HOOK3: variants seen among roughly 807,000 people sequenced by gnomAD.
HOOK3 encodes protein Hook homolog 3.
HOOK3 carries 24 observed loss-of-function variants against 116.3 expected under a neutral mutation model. The observed-to-expected ratio is 0.21, with a 90% CI of 0.15 to 0.29. HOOK3 has a LOEUF of 0.29. HOOK3 is among the 10% of genes least tolerant of loss of function. HOOK3 has a pLI of 1.00. For missense variants in HOOK3, 632 were observed against 830.2 expected, an observed-to-expected ratio of 0.76 and a Z score of 2.93; for synonymous variants, 275 against 283.0, an observed-to-expected ratio of 0.97 and a Z score of 0.28.
intron 1 of HOOK3, among the ~76,000 whole-genome samples, chr8:42,900,328 G>A (rs1298835352): frequency 2.0e-5 from 3 of 152,124 alleles, no homozygotes; most frequent in Non-Finnish European, 2.9e-5. Flanking sequence ...TGAACTGTAT[G>A]TGAATCTCGA....
intron 21 of HOOK3, 80 bp from the exon 22 acceptor site, chr8:43,018,277 AT>A: frequency 7.5e-7 from 1 of 1,336,326 alleles, no homozygotes; most frequent in Non-Finnish European, 1.0e-6. Context: ...ACTGTAACAA[AT>A]TCTGCATGAT....
rs1182384921 is a variant in HOOK3 at position 43,027,754 on chromosome 8, C to T, written c.*9256C>T. 4.8e-6 allele frequency: 1 copy of T among 206,474 alleles called. No homozygotes were observed. Among genetic ancestry groups the T allele is most frequent in the Non-Finnish European group, 9.9e-6 (1 of 100,862 alleles). The allele number at this position is 206,474 out of a possible 1,614,324, so 12.8% of individuals were successfully genotyped here. On this transcript the variant is annotated 3_prime_UTR_variant, in exon 22 of 22. Transcript: ENST00000307602. ...TAGATTATTCAGTAGCCACATGTGA[C>T]AGTTAAAATTAAGTAAAATTAAAAC... is the stretch of plus-strand genomic sequence containing the variant.
chr8:42,897,255 G>T, intron 1 of HOOK3, 67 bp downstream of exon 1: 3 of 1,114,148 alleles, frequency 2.7e-6, no homozygotes, highest in Non-Finnish European at 3.4e-6. Flanking sequence ...CCCTCCACGC[G>T]CGGCCCGTGG....
Position 43,027,485 on chromosome 8 carries a change from T to C in HOOK3, c.*8987T>C. 2.2e-6 allele frequency: 1 copy of C among 458,548 alleles called. No homozygotes were observed. Among genetic ancestry groups the C allele is most frequent in the Non-Finnish European group, 4.2e-6 (1 of 235,630 alleles). The allele number at this position is 458,548 out of a possible 1,614,324, so 28.4% of individuals were successfully genotyped here. A position where few individuals can be genotyped will look rare whatever the true frequency, so the allele number is the denominator to read the frequency against. Reference sequence around the variant, plus strand: ...TTCTCTTCTACCTTACCCCCTGTTCTACTGACGTGCTTTGCATGAGAAGCT... The same window carrying C: ...TTCTCTTCTACCTTACCCCCTGTTCCACTGACGTGCTTTGCATGAGAAGCT... On this transcript the variant is annotated 3_prime_UTR_variant, in exon 22 of 22. Transcript: ENST00000307602.
At chr8:42,941,425 C>T (rs1586602012) in intron 4 of HOOK3, among the ~76,000 whole-genome samples, 1 of 147,046 alleles carries the variant, frequency 6.8e-6, no homozygotes, top group Non-Finnish European at 1.5e-5. Flanking sequence ...GGCTGAGGCA[C>T]GAGAATGGTG....
At chr8:43,016,899 C>T (rs1427718283) in intron 21 of HOOK3, among the ~76,000 whole-genome samples, 2 of 152,048 alleles carry the variant, frequency 1.3e-5, no homozygotes, top group Non-Finnish European at 2.9e-5. Context: ...TGAGGTTGGG[C>T]GCATGGGCTC....
At chr8:42,898,821 A>G (rs1807120244) in intron 1 of HOOK3, among the ~76,000 whole-genome samples, 1 of 152,252 alleles carries the variant, frequency 6.6e-6, no homozygotes, top group South Asian at 2.1e-4. Context: ...AATGCATTTC[A>G]TACGCCTAAC....
chr8:42,972,480 T>G (rs2130431699), intron 11 of HOOK3, among the ~76,000 whole-genome samples: 1 of 152,278 alleles, frequency 6.6e-6, no homozygotes, highest in African/African-American at 2.4e-5. Context: ...GGTATGATCA[T>G]AGCTCACTGC....
intron 15 of HOOK3, among the ~76,000 whole-genome samples, chr8:42,996,467 T>C (rs1036015517): frequency 6.6e-6 from 1 of 152,062 alleles, no homozygotes; most frequent in Admixed American, 6.6e-5. Flanking sequence ...TTATCTGAGT[T>C]GTTCCAGTTT....
At chr8:42,935,554 A>C (rs1807952908) in intron 4 of HOOK3, among the ~76,000 whole-genome samples, 2 of 152,064 alleles carry the variant, frequency 1.3e-5, no homozygotes, top group Non-Finnish European at 2.9e-5. Context: ...ATCCATCTTG[A>C]GTTAATTTTT....
intron 15 of HOOK3, among the ~76,000 whole-genome samples, chr8:42,993,959 CT>C (rs1406871015): frequency 6.6e-6 from 1 of 151,928 alleles, no homozygotes; most frequent in Non-Finnish European, 1.5e-5. Context: ...TTTTGTTGCT[CT>C]TTTGTATTGT....
At chr8:42,901,113 A>C (rs73635337) in intron 1 of HOOK3, among the ~76,000 whole-genome samples, 2,744 of 152,320 alleles carry the variant, frequency 0.018, 85 homozygotes, top group African/African-American at 0.064. Flanking sequence ...CCCAACTCAC[A>C]GCCAAAAATG....
Position 43,021,340 on chromosome 8 carries a change from G to A in HOOK3, c.*2842G>A, listed in dbSNP as rs1045961212. 24 of 184,556 alleles carry A rather than the reference G, an allele frequency of 1.3e-4. No homozygotes were observed. In the East Asian group the frequency reaches 1.5e-3, roughly 12 times the overall value. The allele number at this position is 184,556 out of a possible 1,614,324, so 11.4% of individuals were successfully genotyped here. The stretch of plus-strand genomic sequence containing the variant: ...TCCCCCCGAGACGGAGCCTCGTTCC[G>A]TCACCCAGGCTGTAGTGCCGTGGCA... On this transcript the variant is annotated 3_prime_UTR_variant, in exon 22 of 22. Coordinates refer to ENST00000307602, the MANE Select transcript of HOOK3 (RefSeq NM_032410.4).
chr8:42,897,145 A>G lies in HOOK3; in HGVS notation c.14A>G (p.Glu5Gly), dbSNP rs755460322. 1.4e-5 allele frequency: 18 copies of G among 1,247,608 alleles called. No individual in the cohort carries two copies. In the African/African-American group the frequency reaches 2.6e-4, roughly 18 times the overall value. 77.3% of individuals were successfully genotyped at this position (1,247,608 alleles called of 1,614,324 possible). A position where few individuals can be genotyped will look rare whatever the true frequency, so the allele number is the denominator to read the frequency against. MFSV[E>G]SLERAELCES... ...GCGGCGGGGAAGATGTTCAGCGTAG[A>G]GTCGCTGGAGCGGGCGGAGCTGTGC... Residue 5 changes from glutamate to glycine, a missense_variant, in exon 1 of 22, where the codon GAG becomes GGG. Glu to Gly is a moderately conservative substitution (Grantham distance 98). Coordinates refer to ENST00000307602, the MANE Select transcript of HOOK3 (RefSeq NM_032410.4).
intron 4 of HOOK3, among the ~76,000 whole-genome samples, chr8:42,935,031 C>G (rs1469931212): frequency 6.6e-6 from 1 of 152,204 alleles, no homozygotes. Context: ...ATTCCTATTT[C>G]TCCATATCCT....
intron 3 of HOOK3, among the ~76,000 whole-genome samples, chr8:42,929,075 A>T (rs1261880429): frequency 1.3e-5 from 2 of 152,124 alleles, no homozygotes; most frequent in Non-Finnish European, 2.9e-5. Context: ...TAAAGATAAG[A>T]TGTAGCTTTT....
chr8:42,982,667 A>G lies in HOOK3; in HGVS notation c.1362A>G (p.Leu454=). 1 of 1,612,670 alleles carries G rather than the reference A, an allele frequency of 6.2e-7. No homozygotes were observed. Among genetic ancestry groups the G allele is most frequent in the Non-Finnish European group, 8.5e-7 (1 of 1,178,784 alleles). The change falls in exon 14 of 22, where the codon CTA becomes CTG. Residue 454 remains leucine, a synonymous_variant. Transcript: ENST00000307602. ...PLGSQESSDS[L]AAEIVTPEIR... is the part of the protein sequence containing the mutation. ...GAAGTCAGGAGTCTTCAGACAGTCT[A>G]GCTGCAGAGATTGTTACACCTGAAA...
In HOOK3 at chr8:43,030,484, G is replaced by A. The variant is rs1810011700; in HGVS notation, c.*11986G>A. On this transcript the variant is annotated 3_prime_UTR_variant, in exon 22 of 22. Transcript: ENST00000307602. ...CAAGTACAAAAATGTTTTCAAGGCT[G>A]CAAAAAGTGTACAGTTGTTAAACAA... 3 of 175,358 alleles carry A rather than the reference G, an allele frequency of 1.7e-5. No homozygotes were observed. The highest frequency in any genetic ancestry group is 2.0e-4 in the South Asian group (1 of 5,006). The allele number at this position is 175,358 out of a possible 1,614,324, so 10.9% of individuals were successfully genotyped here. A position where few individuals can be genotyped will look rare whatever the true frequency, so the allele number is the denominator to read the frequency against.
intron 19 of HOOK3, among the ~76,000 whole-genome samples, chr8:43,011,204 A>G (rs534701991): frequency 2.6e-5 from 4 of 152,206 alleles, no homozygotes; most frequent in South Asian, 4.2e-4. Flanking sequence ...TGTGTTAGCC[A>G]GGATGGGCTT....
Sources: allele counts gnomAD v4.1 joint callset (sites outside exome capture counted in the v4.1 genomes callset), GRCh38; gene constraint gnomAD v4.1.1; transcripts MANE v1.5; gene names NCBI Gene and HGNC (gene_info 2026-07-23, HGNC 2026-07-21).